Variants in ESR1 observed in about 807,000 individuals in gnomAD.
ESR1 encodes the protein estrogen receptor 1, also known as estrogen receptor.
ESR1 carries 12 observed loss-of-function variants against 52.7 expected under a neutral mutation model. That is an observed-to-expected ratio of 0.23 (90% CI 0.15 to 0.37). The LOEUF (loss-of-function observed/expected upper bound fraction) is 0.37, where lower values mean the gene tolerates loss of function less well. Among genes scored for constraint, ESR1 ranks in the 10% least tolerant of loss-of-function variants. The pLI, the probability that ESR1 is intolerant of heterozygous loss-of-function variation, is 1.00. For missense variants in ESR1, 584 were observed against 779.7 expected, an observed-to-expected ratio of 0.75 and a Z score of 2.99; for synonymous variants, 305 against 316.8, an observed-to-expected ratio of 0.96 and a Z score of 0.39.
At chr6:152,096,968 G>A (rs534637690) in intron 7 of ESR1, among the ~76,000 whole-genome samples, 1 of 152,186 alleles carries the variant, frequency 6.6e-6, no homozygotes, top group South Asian at 2.1e-4. Flanking sequence ...TTAACTGCTT[G>A]TCAGCATTAG....
At chr6:152,046,017 C>G (rs1349296529) in intron 5 of ESR1, among the ~76,000 whole-genome samples, 1 of 152,152 alleles carries the variant, frequency 6.6e-6, no homozygotes, top group East Asian at 1.9e-4. Flanking sequence ...GCAAGTTGTG[C>G]TCTATGGGAC....
At chr6:151,847,788 T>G (rs1785407079) in intron 2 of ESR1, among the ~76,000 whole-genome samples, 1 of 144,230 alleles carries the variant, frequency 6.9e-6, no homozygotes, top group Non-Finnish European at 1.5e-5. Flanking sequence ...CCATTGCTTT[T>G]GGTGTTTTGG....
intron 2 of ESR1, among the ~76,000 whole-genome samples, chr6:151,780,139 G>A (rs972601109): frequency 5.9e-5 from 9 of 151,972 alleles, no homozygotes; most frequent in African/African-American, 1.7e-4. Context: ...AAGTGGGTGA[G>A]TTCCACAAGT....
chr6:151,943,962 T>C (rs1306242489), intron 3 of ESR1, among the ~76,000 whole-genome samples: 1 of 152,202 alleles, frequency 6.6e-6, no homozygotes, highest in East Asian at 1.9e-4. Context: ...TGGCATGTTA[T>C]GGTGGTAGTA....
chr6:152,012,046 A>ACACACT (rs771620414), intron 5 of ESR1, among the ~76,000 whole-genome samples: 2 of 140,612 alleles, frequency 1.4e-5, no homozygotes, highest in African/African-American at 5.6e-5. Flanking sequence ...ACACACACAC[A>ACACACT]CTCACACTCT....
At chr6:152,119,097 G>A (rs1405296882) in intron 6 of ESR1, among the ~76,000 whole-genome samples, 2 of 152,196 alleles carry the variant, frequency 1.3e-5, no homozygotes, top group Non-Finnish European at 2.9e-5. Flanking sequence ...TTCTGGACAC[G>A]ATTAGCTTTC....
At chr6:151,813,646 C>T (rs1749851879) in intron 1 of ESR1, among the ~76,000 whole-genome samples, 1 of 151,938 alleles carries the variant, frequency 6.6e-6, no homozygotes, top group African/African-American at 2.4e-5. Flanking sequence ...CCAAGCAAGA[C>T]TGAAAATTTT....
chr6:152,067,763 G>A (rs2048076913), intron 6 of ESR1, among the ~76,000 whole-genome samples: 1 of 152,156 alleles, frequency 6.6e-6, no homozygotes, highest in Admixed American at 6.5e-5. Context: ...GGAGGCAGAG[G>A]TTGCAGTGAG....
chr6:151,786,288 C>T (rs1188993290), intron 2 of ESR1, among the ~76,000 whole-genome samples: 1 of 152,186 alleles, frequency 6.6e-6, no homozygotes, highest in Non-Finnish European at 1.5e-5. Context: ...GAGGTCTTTG[C>T]AACTGCTGCG....
chr6:151,667,386 A>G (rs2115229732), intron 1 of ESR1, among the ~76,000 whole-genome samples: 2 of 152,332 alleles, frequency 1.3e-5, no homozygotes, highest in East Asian at 3.9e-4. Context: ...ATAATACATT[A>G]CTAAATATTT....
In ESR1 at chr6:152,061,833, A is replaced by G. The variant is rs575302354; in HGVS notation, c.1369+709A>G. Reference sequence around the variant, plus strand: ...ACTCTATGTCACCAAGATGGAAACTATGGTTCAGCCTGAATTAGTGCCCTG... The same window carrying G: ...ACTCTATGTCACCAAGATGGAAACTGTGGTTCAGCCTGAATTAGTGCCCTG... On this transcript the variant is annotated intron_variant, in intron 6 of 7. Coordinates refer to ENST00000206249, the MANE Select transcript of ESR1 (RefSeq NM_000125.4). The surrounding 1 kb of genome is among the most constrained non-coding windows in gnomAD (Gnocchi z 4.3). Among the ~76,000 whole-genome samples the G allele has an allele frequency of 7.9e-5, 12 of 152,170 alleles. No homozygotes were observed. The highest frequency in any genetic ancestry group is 1.5e-4 in the Non-Finnish European group (10 of 68,032).
chr6:151,899,744 C>T (rs905457882), intron 3 of ESR1, among the ~76,000 whole-genome samples: 8 of 151,794 alleles, frequency 5.3e-5, no homozygotes, highest in African/African-American at 1.9e-4. Context: ...AGAGACGCTC[C>T]TCACATCCCA....
exon 1 of ESR1, chr6:151,690,650 T>C (rs748755983): frequency 4.6e-5 from 7 of 152,242 alleles, no homozygotes; most frequent in Non-Finnish European, 8.8e-5. Flanking sequence ...CTCTGAGTGA[T>C]AATCTTCTCT....
chr6:151,740,280 G>A lies in ESR1; in HGVS notation c.-71+38275G>A, dbSNP rs771801559. 9.7e-5 allele frequency among the ~76,000 whole-genome samples: 13 copies of A among 133,392 alleles called. No homozygotes were observed. In the South Asian group the frequency reaches 1.4e-3, roughly 14 times the overall value. The allele number at this position is 133,392 out of a possible 152,430, so 87.5% of individuals were successfully genotyped here. ...ATTACAGGAGCGCACCACCATGCCTGGCTAATTTTTTTTTTTTTTTTTTTT... is the reference window on the plus strand; with the variant it reads ...ATTACAGGAGCGCACCACCATGCCTAGCTAATTTTTTTTTTTTTTTTTTTT... On this transcript the variant is annotated intron_variant, in intron 2 of 2. Coordinates refer to the ESR1 transcript ENST00000404742.
chr6:151,823,632 C>T (rs2128196035), intron 1 of ESR1, among the ~76,000 whole-genome samples: 1 of 152,144 alleles, frequency 6.6e-6, no homozygotes, highest in East Asian at 1.9e-4. Context: ...TACCCCCACC[C>T]CACGACAGGT....
chr6:152,088,339 G>A (rs1224254089), intron 6 of ESR1, among the ~76,000 whole-genome samples: 1 of 152,040 alleles, frequency 6.6e-6, no homozygotes, highest in Non-Finnish European at 1.5e-5. Flanking sequence ...ACCAGACTGA[G>A]AAAACTAAAA....
chr6:152,028,875 C>T (rs1277099068), intron 5 of ESR1, among the ~76,000 whole-genome samples: 1 of 152,200 alleles, frequency 6.6e-6, no homozygotes, highest in African/African-American at 2.4e-5. Flanking sequence ...CCCGAGTAGC[C>T]TAACTGGGCA....
At chr6:151,849,839 G>C (rs1277712237) in intron 2 of ESR1, among the ~76,000 whole-genome samples, 1 of 150,504 alleles carries the variant, frequency 6.6e-6, no homozygotes, top group Non-Finnish European at 1.5e-5. Flanking sequence ...AGCCAGCTTT[G>C]AGAGAACACA....
intron 1 of ESR1, among the ~76,000 whole-genome samples, chr6:151,817,854 A>G (rs1043120260): frequency 6.6e-6 from 1 of 152,174 alleles, no homozygotes; most frequent in Non-Finnish European, 1.5e-5. Flanking sequence ...GTTGCCACCA[A>G]TTCAGGCTGT....
Sources: gnomAD v4.1 joint callset for allele counts (sites outside exome capture counted in the v4.1 genomes callset) on GRCh38, gnomAD v4.1.1 for gene constraint, Gnocchi (gnomAD v3.1) non-coding constraint, MANE v1.5 for transcripts, NCBI Gene and HGNC (gene_info 2026-07-23, HGNC 2026-07-21) for gene names.